The following ENKUR variants were observed in gnomAD, a reference collection of about 807,000 sequenced individuals.
The protein encoded by ENKUR is enkurin.
Under a neutral mutation model 27.6 loss-of-function variants are expected in ENKUR, and 19 were observed. That is an observed-to-expected ratio of 0.69 (90% CI 0.48 to 1.01). The LOEUF is 1.01. Ranked by LOEUF, ENKUR falls within the 50% of genes least tolerant of loss-of-function variation. The probability of loss-of-function intolerance (pLI) is 0.00; values close to 1 mark genes in which losing one functional copy is unlikely to be tolerated. For synonymous variants in ENKUR, 117 were observed against 96.9 expected, an observed-to-expected ratio of 1.21 and a Z score of -1.22; for missense variants, 312 against 310.5, an observed-to-expected ratio of 1.00 and a Z score of -0.04.
At chr10:25,049,071 G>A (rs188247547) in intron 2 of ENKUR, among the ~76,000 whole-genome samples, 6 of 152,254 alleles carry the variant, frequency 3.9e-5, no homozygotes, top group African/African-American at 1.2e-4. Context: ...CTATTTGCTA[G>A]CTGAGTGACC....
intron 4 of ENKUR, 90 bp downstream of exon 4, chr10:24,990,372 GT>G (rs1849898544): frequency 6.8e-7 from 1 of 1,471,242 alleles, no homozygotes. Context: ...CAAAATCCAA[GT>G]GCTGACTTTA....
rs755626310 is a variant in ENKUR, at chr10:24,995,826, T to G, written c.267A>C (p.Pro89=). 10 of 1,613,386 alleles carry G rather than the reference T, an allele frequency of 6.2e-6. No homozygotes were observed. The part of the protein sequence containing the change: ...DRNVPKKPAV[P]LKTDHPVMGI... The stretch of plus-strand genomic sequence containing the variant: ...CCATGACAGGATGATCAGTCTTCAA[T>G]GGCACAGCAGGCTTTTTGGGCACGT... The change falls in exon 3 of 6, where the codon CCA becomes CCC. Residue 89 remains proline (P), a synonymous_variant. Transcript: ENST00000331161.
chr10:24,998,842 C>G (rs1198783632), intron 2 of ENKUR, among the ~76,000 whole-genome samples: 2 of 152,150 alleles, frequency 1.3e-5, no homozygotes, highest in African/African-American at 4.8e-5. Flanking sequence ...AGCAAGAGCA[C>G]AGCATTAAAA....
chr10:25,016,087 C>T lies in ENKUR; in HGVS notation c.-151G>A. 1 of 1,349,012 alleles carries T rather than the reference C, an allele frequency of 7.4e-7. No individual in the cohort carries two copies. The highest frequency in any genetic ancestry group is 1.5e-5 in the African/African-American group (1 of 67,392). 83.6% of individuals were successfully genotyped at this position (1,349,012 alleles called of 1,614,324 possible). A position where few individuals can be genotyped will look rare whatever the true frequency, so the allele number is the denominator to read the frequency against. Reference sequence around the variant, plus strand: ...CTCCTTCACATCGTCCCCCTTTAACCCCCTCTTAGCAGTCCTCTCTCGGGA... The same window carrying T: ...CTCCTTCACATCGTCCCCCTTTAACTCCCTCTTAGCAGTCCTCTCTCGGGA... On this transcript the variant is annotated 5_prime_UTR_variant, in exon 1 of 6. Coordinates refer to ENST00000331161, the MANE Select transcript of ENKUR (RefSeq NM_145010.4).
At chr10:25,024,927 A>G (rs1480056092) in intron 2 of ENKUR, 1 of 1,613,946 alleles carries the variant, frequency 6.2e-7, no homozygotes, top group Admixed American at 1.7e-5. Flanking sequence ...ATATTCTCAA[A>G]TCTTCAAACC....
intron 4 of ENKUR, among the ~76,000 whole-genome samples, chr10:24,987,785 T>A (rs767086880): frequency 1.2e-4 from 18 of 152,166 alleles, no homozygotes; most frequent in Non-Finnish European, 2.4e-4. Context: ...TTGATAGTTT[T>A]GTGACCAAAG....
rs1482210012 is a variant in ENKUR, at chr10:25,023,750, A to G, written c.38-27881T>C. 12 of 1,613,906 alleles carry G rather than the reference A, an allele frequency of 7.4e-6. No individual in the cohort carries two copies. The highest frequency in any genetic ancestry group is 9.3e-6 in the Non-Finnish European group (11 of 1,180,002). ...ATGAAGACAGATAGGATTGTAGGTC[A>G]GAATTCTGGAACATCTATGAAAGAC... On this transcript the variant is annotated intron_variant, in intron 2 of 5. Transcript: ENST00000615958.
At chr10:25,011,107 T>C (rs1329882547) in intron 1 of ENKUR, among the ~76,000 whole-genome samples, 1 of 151,296 alleles carries the variant, frequency 6.6e-6, no homozygotes, top group Non-Finnish European at 1.5e-5. Flanking sequence ...CCAGCACCTG[T>C]TGTTTCCTGA....
chr10:25,060,551 C>T (rs1274109671), intron 2 of ENKUR, among the ~76,000 whole-genome samples: 3 of 152,184 alleles, frequency 2.0e-5, no homozygotes, highest in Non-Finnish European at 4.4e-5. Context: ...ACCGAAAATA[C>T]GATGCCGTTT....
At chr10:25,002,475 T>C (rs1850210612) in intron 1 of ENKUR, among the ~76,000 whole-genome samples, 1 of 152,198 alleles carries the variant, frequency 6.6e-6, no homozygotes, top group Non-Finnish European at 1.5e-5. Flanking sequence ...GGAATTTCTC[T>C]CCAGAGAGTA....
At chr10:25,020,422 T>C (rs1054250889), upstream of ENKUR, among the ~76,000 whole-genome samples, 1 of 152,092 alleles carries the variant, frequency 6.6e-6, no homozygotes, top group Non-Finnish European at 1.5e-5. Context: ...CTACTTTTAA[T>C]GAAGTTGATG....
intron 2 of ENKUR, among the ~76,000 whole-genome samples, chr10:25,039,093 T>C (rs1851036127): frequency 6.6e-6 from 1 of 152,250 alleles, no homozygotes; most frequent in South Asian, 2.1e-4. Flanking sequence ...TTTTCAAATA[T>C]ACCTTTGTAA....
chr10:24,999,025 T>C (rs1255577980), intron 2 of ENKUR, among the ~76,000 whole-genome samples: 1 of 152,186 alleles, frequency 6.6e-6, no homozygotes, highest in Non-Finnish European at 1.5e-5. Context: ...TTTTCATCTC[T>C]TGGAGAAAAG....
chr10:25,012,199 T>C (rs1564343909), intron 1 of ENKUR, among the ~76,000 whole-genome samples: 1 of 152,048 alleles, frequency 6.6e-6, no homozygotes, highest in Admixed American at 6.5e-5. Flanking sequence ...TGTATCAAAA[T>C]GTCTGGATGT....
At chr10:25,013,852 G>A (rs935966060) in intron 1 of ENKUR, among the ~76,000 whole-genome samples, 16 of 152,026 alleles carry the variant, frequency 1.1e-4, no homozygotes, top group Non-Finnish European at 2.9e-5. Context: ...TGAGGCAGGA[G>A]AATCGCTTGA....
intron 2 of ENKUR, among the ~76,000 whole-genome samples, chr10:25,037,963 A>G (rs534172471): frequency 1.3e-5 from 2 of 152,328 alleles, no homozygotes; most frequent in African/African-American, 4.8e-5. Context: ...ACTTCTTGTT[A>G]TGCTTCATTC....
Position 25,015,994 on chromosome 10 carries a change from T to C in ENKUR, c.-58A>G. The C allele has an allele frequency of 6.4e-7, 1 of 1,572,156 alleles. No homozygotes were observed. The highest frequency in any genetic ancestry group is 8.6e-7 in the Non-Finnish European group (1 of 1,160,018). ...CACAACTTTTTTCTCCCTGTCCCAG[T>C]ATCTCCGTCCCTTTCTTCACTGCTT... On this transcript the variant is annotated 5_prime_UTR_variant, in exon 1 of 6. It adds an upstream start codon to the 5' untranslated region. Coordinates refer to ENST00000331161, the MANE Select transcript of ENKUR (RefSeq NM_145010.4).
chr10:25,020,196 G>T (rs1288710937), upstream of ENKUR, among the ~76,000 whole-genome samples: 1 of 150,910 alleles, frequency 6.6e-6, no homozygotes, highest in Non-Finnish European at 1.5e-5. Context: ...AAATAATATT[G>T]ATACAGAATT....
chr10:25,045,082 T>A (rs1851108019), intron 2 of ENKUR, among the ~76,000 whole-genome samples: 2 of 152,226 alleles, frequency 1.3e-5, no homozygotes, highest in Admixed American at 1.3e-4. Context: ...TGCAATGTAG[T>A]TGCCCTATTT....
Sources: allele counts gnomAD v4.1 joint callset (sites outside exome capture counted in the v4.1 genomes callset), GRCh38; gene constraint gnomAD v4.1.1; transcripts MANE v1.5; gene names NCBI Gene and HGNC (gene_info 2026-07-23, HGNC 2026-07-21).